The following DNAJC13 variants were observed in gnomAD, a reference collection of about 807,000 sequenced individuals.
DNAJC13 encodes the protein dnaJ homolog subfamily C member 13.
Under a neutral mutation model 290.5 loss-of-function variants are expected in DNAJC13, and 75 were observed. The ratio of observed to expected loss-of-function variants is 0.26; its 90% CI spans 0.21 to 0.31. The LOEUF is 0.31. Among genes scored for constraint, DNAJC13 ranks in the 10% least tolerant of loss-of-function variants. The pLI, the probability that DNAJC13 is intolerant of heterozygous loss-of-function variation, is 1.00. For missense variants in DNAJC13, 2,260 were observed against 2,674.5 expected, an observed-to-expected ratio of 0.85 and a Z score of 3.42; for synonymous variants, 862 against 892.0, an observed-to-expected ratio of 0.97 and a Z score of 0.60.
At position 132,507,308 on chromosome 3, in the gene DNAJC13, G is replaced by T; in HGVS notation, c.5070G>T (p.Glu1690Asp). 6.2e-7 allele frequency: 1 copy of T among 1,613,294 alleles called. No individual in the cohort carries two copies. Among genetic ancestry groups the T allele is most frequent in the South Asian group, 1.1e-5 (1 of 91,022 alleles). Reference sequence around the variant, plus strand: ...ATGCCAAAGAACTTATTGTAGGGGAGATTTTTGTTAGGGTGTATAATGAAG... The same window carrying T: ...ATGCCAAAGAACTTATTGTAGGGGATATTTTTGTTAGGGTGTATAATGAAG... ...SDHAKELIVG[E>D]IFVRVYNEVP... Residue 1690 changes from glutamate (E) to aspartate (D), a missense_variant, in exon 43 of 56, where the codon GAG becomes GAT. Physicochemically the swap from Glu to Asp is conservative, Grantham distance 45 (BLOSUM62 2). Around this residue, in one of 3 missense-constraint regions of DNAJC13, gnomAD observed 1,494 missense variants for 1,693.7 expected, o/e 0.88. Coordinates refer to ENST00000260818, the MANE Select transcript of DNAJC13 (RefSeq NM_015268.4).
intron 5 of DNAJC13, among the ~76,000 whole-genome samples, chr3:132,449,518 G>A (rs1287659204): frequency 6.6e-6 from 1 of 152,098 alleles, no homozygotes; most frequent in African/African-American, 2.4e-5. Flanking sequence ...TTGGATTAGT[G>A]CAGGCCCCTT....
At chr3:132,468,709 G>C (rs1345798668) in intron 20 of DNAJC13, among the ~76,000 whole-genome samples, 1 of 152,038 alleles carries the variant, frequency 6.6e-6, no homozygotes. Context: ...CAAAATAATA[G>C]TAAAGGCACT....
chr3:132,472,360 A>G (rs1032605218), intron 20 of DNAJC13, among the ~76,000 whole-genome samples: 1 of 152,224 alleles, frequency 6.6e-6, no homozygotes, highest in Non-Finnish European at 1.5e-5. Flanking sequence ...AACAGGGGCC[A>G]TAGCTTTCTT....
Position 132,484,788 on chromosome 3 carries a change from G to A in DNAJC13, c.3267+116G>A, listed in dbSNP as rs546212972. The A allele has an allele frequency of 5.3e-5, 50 of 944,974 alleles. No homozygotes were observed. The East Asian group carries it at 1.1e-3, about 20-fold the overall frequency. The allele number at this position is 944,974 out of a possible 1,614,324, so 58.5% of individuals were successfully genotyped here. ...TTCCATTTTCAAAAAGCCTAAATAG[G>A]CCAGGTGTGGAGTCTCACACCTCCA... On this transcript the variant is annotated intron_variant, in intron 29 of 55. Transcript: ENST00000260818.
rs899215882 is a variant in DNAJC13 at position 132,513,088 on chromosome 3, T to C, written c.5374T>C (p.Leu1792=). The C allele has an allele frequency of 6.2e-7, 1 of 1,613,210 alleles. No homozygotes were observed. Among genetic ancestry groups the C allele is most frequent in the African/African-American group, 1.3e-5 (1 of 74,888 alleles). ...TCATGGAGCTGGTCAAGTGCAGCAG[T>C]TGGCTTTAGAGGTAAAAGCGTTTTG... is the stretch of plus-strand genomic sequence containing the variant. ...RVHGAGQVQQ[L]ALEVVNIVTS... is the part of the protein sequence containing the mutation. The change falls in exon 45 of 56, where the codon TTG becomes CTG. Residue 1792 remains leucine (L), a synonymous_variant. Coordinates refer to ENST00000260818, the MANE Select transcript of DNAJC13 (RefSeq NM_015268.4).
At position 132,479,234 on chromosome 3, in the gene DNAJC13, ATAAACT is replaced by A. The variant is rs1341245837; in HGVS notation, c.2719_2724del (p.Lys907_Leu908del). The A allele has an allele frequency of 1.2e-6, 2 of 1,606,290 alleles. No individual in the cohort carries two copies. The highest frequency in any genetic ancestry group is 1.7e-5 in the Admixed American group (1 of 59,830). ...TCTCATTTATTTCAATAGTGCACAG[ATAAACT>A]TGAACGAGATAGGTTGATTCTCTTC... On this transcript the variant is annotated inframe_deletion, in exon 25 of 56. Transcript: ENST00000260818.
chr3:132,441,564 A>G (rs777818546), intron 2 of DNAJC13, among the ~76,000 whole-genome samples: 7 of 152,350 alleles, frequency 4.6e-5, no homozygotes, highest in Middle Eastern at 3.4e-3. Flanking sequence ...TAATACAGGT[A>G]CACAGAAATT....
intron 24 of DNAJC13, 86 bp from the exon 25 acceptor site, chr3:132,479,141 G>T: frequency 2.8e-6 from 2 of 714,972 alleles, no homozygotes; most frequent in South Asian, 2.1e-5. Flanking sequence ...CTTCTTATGG[G>T]CTGTTGGTTT....
intron 13 of DNAJC13, 84 bp downstream of exon 13, chr3:132,457,452 A>G (rs1445873811): frequency 2.8e-6 from 3 of 1,059,156 alleles, no homozygotes; most frequent in East Asian, 2.5e-5. Context: ...TTTTCATTGT[A>G]CCAATAAGTT....
chr3:132,423,689 A>G (rs1353274233), intron 1 of DNAJC13, among the ~76,000 whole-genome samples: 3 of 152,230 alleles, frequency 2.0e-5, no homozygotes, highest in Admixed American at 1.3e-4. Context: ...CTAGAAATGT[A>G]TGTTTTTGCT....
chr3:132,538,124 G>A, intron 55 of DNAJC13, 52 bp from the exon 56 acceptor site: 1 of 1,483,248 alleles, frequency 6.7e-7, no homozygotes, highest in Non-Finnish European at 9.4e-7. Context: ...AAAGGTCAAT[G>A]TTTTCACTTG....
intron 1 of DNAJC13, among the ~76,000 whole-genome samples, chr3:132,419,951 C>CA (rs1368337228): frequency 3.9e-5 from 6 of 151,988 alleles, no homozygotes; most frequent in African/African-American, 4.8e-5. Flanking sequence ...GGCCCTGAGA[C>CA]AAAAAAAGAA....
intron 27 of DNAJC13, 59 bp downstream of exon 27, chr3:132,482,389 T>A: frequency 7.4e-7 from 1 of 1,357,134 alleles, no homozygotes; most frequent in Non-Finnish European, 1.0e-6. Flanking sequence ...CCCTCCTGCT[T>A]AGCACTTACA....
intron 24 of DNAJC13, 101 bp from the exon 25 acceptor site, chr3:132,479,126 C>T (rs1362761456): frequency 5.0e-6 from 3 of 600,714 alleles, no homozygotes; most frequent in Non-Finnish European, 8.7e-6. Flanking sequence ...TATAAAATGG[C>T]ATTACTTCTT....
rs3811652 is a variant in DNAJC13 at position 132,488,274 on chromosome 3, A to G, written c.3268-24A>G. On this transcript the variant is annotated intron_variant, in intron 29 of 55. Transcript: ENST00000260818. ...TGATGCAGGTTTTTTACAACCCAATAAAAACATTTTAATTTTTTTTCAGCT... is the reference window on the plus strand; with the variant it reads ...TGATGCAGGTTTTTTACAACCCAATGAAAACATTTTAATTTTTTTTCAGCT... 452 of 1,566,538 alleles carry G rather than the reference A, an allele frequency of 2.9e-4. 5 individuals are homozygous for G. The East Asian group carries it at 9.9e-3, about 34-fold the overall frequency.
chr3:132,439,713 C>T (rs913146817), intron 2 of DNAJC13, among the ~76,000 whole-genome samples: 2 of 152,148 alleles, frequency 1.3e-5, no homozygotes, highest in African/African-American at 4.8e-5. Flanking sequence ...TAAAATATTA[C>T]ATTTCATGGG....
At chr3:132,505,140 A>G (rs946434167) in intron 41 of DNAJC13, among the ~76,000 whole-genome samples, 162 bp from the exon 42 acceptor site, 4 of 152,222 alleles carry the variant, frequency 2.6e-5, no homozygotes, top group Admixed American at 6.5e-5. Flanking sequence ...AAAATGGATT[A>G]TATCAATAAA....
intron 51 of DNAJC13, among the ~76,000 whole-genome samples, chr3:132,524,811 T>C (rs1936201945): frequency 6.6e-6 from 1 of 152,220 alleles, no homozygotes; most frequent in Non-Finnish European, 1.5e-5. Flanking sequence ...AGATGCATTT[T>C]ATTATGTTTC....
At chr3:132,499,024 A>G (rs1284926225) in intron 36 of DNAJC13, 102 bp from the exon 37 acceptor site, 2 of 1,142,478 alleles carry the variant, frequency 1.8e-6, no homozygotes, top group Non-Finnish European at 2.4e-6. Context: ...CCCCATTTTT[A>G]TTTTTTTAAG....
Sources: allele counts gnomAD v4.1 joint callset (sites outside exome capture counted in the v4.1 genomes callset), GRCh38; gene constraint gnomAD v4.1.1; regional missense constraint gnomAD v4.1.1; transcripts MANE v1.5; gene names NCBI Gene and HGNC (gene_info 2026-07-23, HGNC 2026-07-21).